The following TMOD1 variants were observed in gnomAD, a reference collection of about 807,000 sequenced individuals.
TMOD1 encodes tropomodulin-1.
Under a neutral mutation model 40.6 loss-of-function variants are expected in TMOD1, and 17 were observed. The ratio of observed to expected loss-of-function variants is 0.42; its 90% CI spans 0.29 to 0.63. The LOEUF (loss-of-function observed/expected upper bound fraction) is 0.63, where lower values mean the gene tolerates loss of function less well. Among genes scored for constraint, TMOD1 ranks in the 20% least tolerant of loss-of-function variants. The probability of loss-of-function intolerance (pLI) is 0.22; values close to 1 mark genes in which losing one functional copy is unlikely to be tolerated. For synonymous variants in TMOD1, 181 were observed against 175.0 expected, an observed-to-expected ratio of 1.03 and a Z score of -0.27; for missense variants, 391 against 447.6, an observed-to-expected ratio of 0.87 and a Z score of 1.14.
At chr9:97,558,194 C>A (rs980669057) in intron 4 of TMOD1, among the ~76,000 whole-genome samples, 1 of 152,120 alleles carries the variant, frequency 6.6e-6, no homozygotes, top group Non-Finnish European at 1.5e-5. Context: ...GGTTTTATTT[C>A]TTCTTAGCCC....
chr9:97,580,114 T>G (rs1825711888), intron 8 of TMOD1, among the ~76,000 whole-genome samples: 2 of 151,936 alleles, frequency 1.3e-5, no homozygotes, highest in Admixed American at 6.6e-5. Flanking sequence ...GTTGGCTTAG[T>G]GAGGGAATGA....
At chr9:97,508,896 T>C (rs1309777108) in intron 1 of TMOD1, among the ~76,000 whole-genome samples, 1 of 152,006 alleles carries the variant, frequency 6.6e-6, no homozygotes, top group Non-Finnish European at 1.5e-5. Flanking sequence ...AGAAGAAGAG[T>C]GGACACACGC....
Position 97,507,823 on chromosome 9 carries a change from G to C in TMOD1, c.-49+6020G>C, listed in dbSNP as rs938794473. Among the ~76,000 whole-genome samples, 5 of 152,140 alleles carry C rather than the reference G, an allele frequency of 3.3e-5. No individual in the cohort carries two copies. The East Asian group carries it at 9.6e-4, about 29-fold the overall frequency. ...TCTTGGTGTCTGATAGTAGAAGGAAGAACATCAATCAGTCTTTCAGGAGAG... is the reference window on the plus strand; with the variant it reads ...TCTTGGTGTCTGATAGTAGAAGGAACAACATCAATCAGTCTTTCAGGAGAG... On this transcript the variant is annotated intron_variant, in intron 1 of 9. Transcript: ENST00000259365.
intron 1 of TMOD1, among the ~76,000 whole-genome samples, chr9:97,514,765 C>T (rs1340858902): frequency 1.3e-5 from 2 of 152,214 alleles, no homozygotes; most frequent in African/African-American, 4.8e-5. Context: ...GTCGCTGTGC[C>T]AGGACATTAG....
At chr9:97,578,305 G>A (rs533571584) in intron 8 of TMOD1, among the ~76,000 whole-genome samples, 6 of 152,228 alleles carry the variant, frequency 3.9e-5, no homozygotes, top group African/African-American at 9.6e-5. Flanking sequence ...CGCCCGCCTC[G>A]GCCTCCCAAA....
chr9:97,569,038 G>A lies in TMOD1; in HGVS notation c.870+1G>A. On this transcript the variant is annotated splice_donor_variant, in intron 8 of 9. Transcript: ENST00000259365. LOFTEE classifies it high-confidence loss of function. ...GGTGGAAATGAAAATTGACAACCAG[G>A]TGAGATGGGCAACGGTCTCCTCAGG... 1 of 1,614,038 alleles carries A rather than the reference G, an allele frequency of 6.2e-7. No individual in the cohort carries two copies. Among genetic ancestry groups the A allele is most frequent in the Non-Finnish European group, 8.5e-7 (1 of 1,179,946 alleles).
intron 8 of TMOD1, among the ~76,000 whole-genome samples, chr9:97,584,126 C>T (rs1378514293): frequency 1.3e-5 from 2 of 150,370 alleles, no homozygotes; most frequent in Non-Finnish European, 3.0e-5. Context: ...CCTGCTTTCT[C>T]TTGTGGGCAT....
intron 8 of TMOD1, among the ~76,000 whole-genome samples, chr9:97,580,814 CCTTCT>C (rs1825733803): frequency 6.6e-6 from 1 of 152,096 alleles, no homozygotes; most frequent in Non-Finnish European, 1.5e-5. Context: ...CTTGTCTCTT[CCTTCT>C]GCCTCCTTAA....
At chr9:97,598,273 G>A (rs189879559) in intron 9 of TMOD1, among the ~76,000 whole-genome samples, 8 of 147,610 alleles carry the variant, frequency 5.4e-5, no homozygotes, top group Middle Eastern at 3.5e-3. Flanking sequence ...GGTTGCAGTG[G>A]GCCAAGATTG....
chr9:97,545,574 G>T (rs550926629), intron 2 of TMOD1, among the ~76,000 whole-genome samples: 1 of 152,218 alleles, frequency 6.6e-6, no homozygotes, highest in African/African-American at 2.4e-5. Context: ...AGAAGGCAGC[G>T]GGTAGGGCCA....
chr9:97,531,038 C>T lies in TMOD1; in HGVS notation c.120+6730C>T, dbSNP rs1054504570. Reference sequence around the variant, plus strand: ...CCTGACCTTAGGTGATCCACACCCACCCCCCCCACCACCCCTTGGCCTCCC... The same window carrying T: ...CCTGACCTTAGGTGATCCACACCCATCCCCCCCACCACCCCTTGGCCTCCC... On this transcript the variant is annotated intron_variant, in intron 2 of 9. Transcript: ENST00000259365. 3.4e-5 allele frequency among the ~76,000 whole-genome samples: 4 copies of T among 118,022 alleles called. 1 individual carries two copies. Among genetic ancestry groups the T allele is most frequent in the African/African-American group, 1.6e-4 (4 of 24,586 alleles). 77.4% of individuals were successfully genotyped at this position (118,022 alleles called of 152,430 possible).
chr9:97,587,563 G>GTT (rs1440049982), intron 8 of TMOD1, among the ~76,000 whole-genome samples: 1 of 122,004 alleles, frequency 8.2e-6, no homozygotes, highest in African/African-American at 2.8e-5. Flanking sequence ...TTTTCTAATT[G>GTT]TTTGTTTTTT....
chr9:97,579,277 G>A (rs1825686179), intron 8 of TMOD1, among the ~76,000 whole-genome samples: 2 of 152,140 alleles, frequency 1.3e-5, no homozygotes, highest in South Asian at 4.1e-4. Flanking sequence ...GCATGTTCCT[G>A]TTTCCTCCAT....
intron 2 of TMOD1, among the ~76,000 whole-genome samples, chr9:97,532,716 T>C (rs1830122533): frequency 1.3e-5 from 2 of 152,128 alleles, no homozygotes; most frequent in Admixed American, 6.5e-5. Context: ...GCGCTTTCTA[T>C]TGGGAGGCAG....
Position 97,559,771 on chromosome 9 carries a change from T to TAAAAAAAAAAAAA in TMOD1, c.398-2961_398-2960insAAAAAAAAAAAAA, listed in dbSNP as rs1830589569. Among the ~76,000 whole-genome samples, 3 of 63,328 alleles carry TAAAAAAAAAAAAA rather than the reference T, an allele frequency of 4.7e-5. 1 individual carries two copies. Among genetic ancestry groups the TAAAAAAAAAAAAA allele is most frequent in the East Asian group, 9.3e-4 (2 of 2,156 alleles). The allele number at this position is 63,328 out of a possible 152,430, so 41.5% of individuals were successfully genotyped here. ...CAGAGCGAGACTCCGCCTCAAAAATTTAAAAAAAAAAAAAAAAAAAAAAAT... is the reference window on the plus strand; with the variant it reads ...CAGAGCGAGACTCCGCCTCAAAAATTAAAAAAAAAAAAATAAAAAAAAAAAAAAAAAAAAAAAT... On this transcript the variant is annotated intron_variant, in intron 4 of 9. Coordinates refer to ENST00000259365, the MANE Select transcript of TMOD1 (RefSeq NM_003275.4).
intron 1 of TMOD1, among the ~76,000 whole-genome samples, chr9:97,507,570 T>G (rs1482719772): frequency 6.6e-6 from 1 of 152,208 alleles, no homozygotes; most frequent in African/African-American, 2.4e-5. Flanking sequence ...TCCACAAAAA[T>G]GAATATATTC....
At chr9:97,563,471 T>C (rs1830671514) in intron 5 of TMOD1, among the ~76,000 whole-genome samples, 1 of 152,210 alleles carries the variant, frequency 6.6e-6, no homozygotes, top group African/African-American at 2.4e-5. Context: ...TTGCAAGATT[T>C]ATCCTTTCCC....
intron 8 of TMOD1, among the ~76,000 whole-genome samples, chr9:97,582,002 T>G (rs1825767303): frequency 6.6e-6 from 1 of 150,720 alleles, no homozygotes; most frequent in African/African-American, 2.4e-5. Flanking sequence ...TTAGTTTAAT[T>G]AGATCCCATT....
chr9:97,569,456 C>T (rs2805810), intron 8 of TMOD1, among the ~76,000 whole-genome samples: 34,592 of 152,156 alleles, frequency 0.23, 4,241 homozygotes, highest in Non-Finnish European at 0.26. Flanking sequence ...GGTTAAAATT[C>T]CCAGTTTTCT....
Sources: gnomAD v4.1 joint callset for allele counts (sites outside exome capture counted in the v4.1 genomes callset) on GRCh38, gnomAD v4.1.1 for gene constraint, MANE v1.5 for transcripts, NCBI Gene and HGNC (gene_info 2026-07-23, HGNC 2026-07-21) for gene names.